Variants in GALNT14 observed in about 807,000 individuals in gnomAD.
The protein encoded by GALNT14 is polypeptide N-acetylgalactosaminyltransferase 14.
A neutral mutation model predicts 77.5 loss-of-function variants in GALNT14; 60 were observed. The ratio of observed to expected loss-of-function variants is 0.77; its 90% confidence interval spans 0.63 to 0.96. GALNT14 has a LOEUF of 0.96. Ranked by LOEUF, GALNT14 falls within the 40% of genes least tolerant of loss-of-function variation. The pLI is 0.00. For synonymous variants in GALNT14, 280 were observed against 281.7 expected (o/e 0.99, Z 0.06); for missense variants, 710 against 731.0 (o/e 0.97, Z 0.33).
chr2:30,958,376 C>A, intron 4 of GALNT14, 21 bp downstream of exon 4: 1 of 1,607,284 alleles, frequency 6.2e-7, no homozygotes, highest in South Asian at 1.1e-5. Context: ...GTCTAAAGAG[C>A]AAGTGAGCAA....
intron 3 of GALNT14, among the ~76,000 whole-genome samples, chr2:30,958,873 C>T (rs567612977): frequency 4.6e-5 from 7 of 152,324 alleles, no homozygotes; most frequent in African/African-American, 7.2e-5. Flanking sequence ...CCATCTTGCT[C>T]GTGGTCTCCA....
chr2:30,886,815 A>G, the GALNT14 span, among the ~76,000 whole-genome samples: 1 of 152,260 alleles, frequency 6.6e-6, no homozygotes, highest in African/African-American at 2.4e-5. Context: ...CCTTTAGTAC[A>G]TTCATAATCT....
intron 1 of GALNT14, among the ~76,000 whole-genome samples, chr2:31,066,788 C>A (rs972397171): frequency 6.6e-6 from 1 of 151,860 alleles, no homozygotes; most frequent in African/African-American, 2.4e-5. Context: ...CCTGCTCCCA[C>A]GGTGCCACAC....
At chr2:31,085,942 C>T (rs759401704) in intron 1 of GALNT14, among the ~76,000 whole-genome samples, 1 of 152,166 alleles carries the variant, frequency 6.6e-6, no homozygotes, top group African/African-American at 2.4e-5. Flanking sequence ...GGCAAGGGAG[C>T]GTTTGCAGGG....
chr2:30,995,940 G>A (rs1429855092), intron 1 of GALNT14, among the ~76,000 whole-genome samples: 1 of 152,232 alleles, frequency 6.6e-6, no homozygotes, highest in Non-Finnish European at 1.5e-5. Context: ...AAGAGCTGAT[G>A]TTTCCAGTGG....
the GALNT14 span, among the ~76,000 whole-genome samples, chr2:30,889,376 C>T: frequency 6.6e-6 from 1 of 152,158 alleles, no homozygotes; most frequent in Non-Finnish European, 1.5e-5. Context: ...GCTGTGGGGA[C>T]CCAGGTTAGA....
chr2:30,892,822 C>T, the GALNT14 span, among the ~76,000 whole-genome samples: 1 of 152,146 alleles, frequency 6.6e-6, no homozygotes, highest in African/African-American at 2.4e-5. Context: ...ATCCAGGTGT[C>T]TTGTGTCTTC....
chr2:31,032,408 G>C (rs1672471974), intron 1 of GALNT14, among the ~76,000 whole-genome samples: 1 of 152,192 alleles, frequency 6.6e-6, no homozygotes, highest in South Asian at 2.1e-4. Flanking sequence ...GCAGCGCAGA[G>C]CTCCTGAATG....
intron 1 of GALNT14, among the ~76,000 whole-genome samples, chr2:31,056,816 G>T (rs1302586381): frequency 6.6e-6 from 1 of 152,114 alleles, no homozygotes; most frequent in African/African-American, 2.4e-5. Context: ...GTAGTGACAT[G>T]ATAAAAACAG....
intron 1 of GALNT14, among the ~76,000 whole-genome samples, chr2:31,120,579 CAG>C (rs777690729): frequency 4.0e-5 from 6 of 151,690 alleles, no homozygotes; most frequent in Non-Finnish European, 7.4e-5. Flanking sequence ...TTTTTTTAGA[CAG>C]AGTCTCACTC....
At position 31,138,092 on chromosome 2, in the gene GALNT14, C is replaced by T. The variant is rs1374899267; in HGVS notation, c.-6G>A. On this transcript the variant is annotated 5_prime_UTR_variant, in exon 1 of 15. Coordinates refer to ENST00000349752, the MANE Select transcript of GALNT14 (RefSeq NM_024572.4). ...CGACGAGTCAGGCGCCGCATGGTCC[C>T]CTTTGCCGCTTCCTCTCCGCGGCGC... 3.1e-6 allele frequency: 5 copies of T among 1,613,612 alleles called. No individual in the cohort carries two copies. The highest frequency in any genetic ancestry group is 4.2e-6 in the Non-Finnish European group (5 of 1,179,744).
At chr2:31,089,247 G>A (rs558990411) in intron 1 of GALNT14, among the ~76,000 whole-genome samples, 9 of 152,248 alleles carry the variant, frequency 5.9e-5, no homozygotes, top group African/African-American at 1.7e-4. Flanking sequence ...GTTTGAAGTA[G>A]GATTTAGGCA....
intron 6 of GALNT14, among the ~76,000 whole-genome samples, chr2:30,953,288 C>G (rs1418223502): frequency 6.6e-6 from 1 of 150,462 alleles, no homozygotes; most frequent in East Asian, 2.0e-4. Context: ...ATTTCTTCCT[C>G]ACAAATAATT....
intron 2 of GALNT14, among the ~76,000 whole-genome samples, chr2:30,990,635 T>C (rs1304631178): frequency 6.6e-6 from 1 of 152,234 alleles, no homozygotes; most frequent in Non-Finnish European, 1.5e-5. Flanking sequence ...CCCCTCACAG[T>C]GCTAGCCTGG....
chr2:30,954,894 T>C (rs1573029444), intron 6 of GALNT14, among the ~76,000 whole-genome samples: 1 of 152,168 alleles, frequency 6.6e-6, no homozygotes, highest in Non-Finnish European at 1.5e-5. Context: ...CTTCACAGAA[T>C]GGCTATAGGA....
chr2:31,043,211 C>A (rs1405376926), intron 1 of GALNT14, among the ~76,000 whole-genome samples: 1 of 152,180 alleles, frequency 6.6e-6, no homozygotes, highest in Non-Finnish European at 1.5e-5. Context: ...AGTAAGTGCT[C>A]AAATCTCACT....
intron 1 of GALNT14, among the ~76,000 whole-genome samples, chr2:31,049,024 G>A (rs913187446): frequency 6.6e-6 from 1 of 152,190 alleles, no homozygotes; most frequent in South Asian, 2.1e-4. Flanking sequence ...AATGAGAAGG[G>A]AGAGAGCATG....
At chr2:31,015,028 G>A (rs900962842) in intron 1 of GALNT14, among the ~76,000 whole-genome samples, 3 of 152,186 alleles carry the variant, frequency 2.0e-5, no homozygotes, top group African/African-American at 7.2e-5. Context: ...CGTGGCTCAT[G>A]CCTGTAATCC....
chr2:31,018,782 A>G (rs1671540065), intron 1 of GALNT14, among the ~76,000 whole-genome samples: 1 of 152,206 alleles, frequency 6.6e-6, no homozygotes, highest in Admixed American at 6.5e-5. Flanking sequence ...CAACAACAAA[A>G]AAGCAAAACT....
Sources: gnomAD v4.1 joint callset for allele counts (sites outside exome capture counted in the v4.1 genomes callset) on GRCh38, gnomAD v4.1.1 for gene constraint, MANE v1.5 for transcripts, NCBI Gene and HGNC (gene_info 2026-07-23, HGNC 2026-07-21) for gene names.